MAGI1: variants seen among roughly 807,000 people sequenced by gnomAD.
The protein encoded by MAGI1 is membrane-associated guanylate kinase, WW and PDZ domain-containing protein 1.
In MAGI1, 58 loss-of-function variants were observed where a neutral mutation model predicts 139.9. That is an observed-to-expected ratio of 0.41 (90% CI 0.34 to 0.52). MAGI1 has a LOEUF of 0.52. MAGI1 is among the 20% of genes least tolerant of loss of function. The probability of loss-of-function intolerance (pLI) is 0.12; values close to 1 mark genes in which losing one functional copy is unlikely to be tolerated. For synonymous variants in MAGI1, 812 were observed against 737.9 expected (o/e 1.10, Z -1.63); for missense variants, 1,874 against 1,901.6 (o/e 0.99, Z 0.27).
intron 1 of MAGI1, among the ~76,000 whole-genome samples, chr3:65,794,289 A>G (rs1026467048): frequency 3.9e-5 from 6 of 152,236 alleles, no homozygotes; most frequent in African/African-American, 1.4e-4. Context: ...CAGACTCAAC[A>G]AAAGACTGAG....
At position 65,461,581 on chromosome 3, in the gene MAGI1, C is replaced by T. The variant is rs993588764; in HGVS notation, c.960-8241G>A. ...TTGGCTCACTGCAAGCTCCGCCTCCCGGGTTCACGCCATTCTCCTGCCTCA... is the reference window on the plus strand; with the variant it reads ...TTGGCTCACTGCAAGCTCCGCCTCCTGGGTTCACGCCATTCTCCTGCCTCA... On this transcript the variant is annotated intron_variant, in intron 5 of 22. Transcript: ENST00000402939. 6.3e-4 allele frequency among the ~76,000 whole-genome samples: 95 copies of T among 151,442 alleles called. 1 individual carries two copies. Among genetic ancestry groups the T allele is most frequent in the Admixed American group, 5.3e-4 (8 of 15,198 alleles).
chr3:65,965,883 C>A (rs1576291757), intron 1 of MAGI1, among the ~76,000 whole-genome samples: 1 of 152,068 alleles, frequency 6.6e-6, no homozygotes, highest in South Asian at 2.1e-4. Context: ...CGAACTCTGA[C>A]CTCAAGTGAT....
intron 1 of MAGI1, among the ~76,000 whole-genome samples, chr3:65,986,294 TTAG>T (rs1453010730): frequency 1.3e-5 from 2 of 152,202 alleles, no homozygotes; most frequent in African/African-American, 2.4e-5. Context: ...TTGTCTTATC[TTAG>T]TAGAAATATC....
chr3:65,760,604 C>T (rs72908240), intron 1 of MAGI1, among the ~76,000 whole-genome samples: 8 of 152,158 alleles, frequency 5.3e-5, no homozygotes, highest in African/African-American at 1.7e-4. Context: ...GACGGGGTCT[C>T]CCTATGTTGC....
At chr3:65,859,795 G>A (rs1046219999) in intron 1 of MAGI1, among the ~76,000 whole-genome samples, 2 of 151,778 alleles carry the variant, frequency 1.3e-5, no homozygotes, top group Non-Finnish European at 2.9e-5. Flanking sequence ...GAAAACAGGA[G>A]ATTCCAGTCT....
intron 12 of MAGI1, chr3:65,401,855 G>T (rs1259131445): frequency 3.0e-6 from 3 of 984,904 alleles, no homozygotes; most frequent in Non-Finnish European, 3.6e-6. Context: ...CGATCCACTT[G>T]TCAATTGAAA....
rs1268519875 is a variant in MAGI1, at chr3:65,379,287, C to A, written c.2969G>T (p.Ser990Ile). 8 of 1,612,922 alleles carry A rather than the reference C, an allele frequency of 5.0e-6. No individual in the cohort carries two copies. Among genetic ancestry groups the A allele is most frequent in the Non-Finnish European group, 5.9e-6 (7 of 1,179,520 alleles). The change falls in exon 17 of 23, where the codon AGC becomes ATC. Residue 990 changes from serine (S) to isoleucine (I), a missense_variant. Around this residue, in one of 5 missense-constraint regions of MAGI1, gnomAD observed 653 missense variants for 644.5 expected, o/e 1.01. Transcript: ENST00000402939. ...GFGFVIVSSV[S>I]RPEAGTTFGN... The stretch of plus-strand genomic sequence containing the variant: ...AAAGGTCGTGCCTGCTTCGGGCCTG[C>A]TCACCGAGGACACGATGACGAAGCC...
intron 1 of MAGI1, among the ~76,000 whole-genome samples, chr3:65,765,784 T>A (rs1402985799): frequency 2.0e-5 from 3 of 152,224 alleles, no homozygotes; most frequent in East Asian, 1.9e-4. Context: ...CAATGGACAG[T>A]CTTCAACATG....
Position 65,836,917 on chromosome 3 carries a change from C to T in MAGI1, c.313+201079G>A, listed in dbSNP as rs945791346. ...AACACCACACCTGCAATCATCTGCC[C>T]TGGCTCACTGTCTTTGAAACTGTTA... is the stretch of plus-strand genomic sequence containing the variant. On this transcript the variant is annotated intron_variant, in intron 1 of 22. Coordinates refer to ENST00000402939, the MANE Select transcript of MAGI1 (RefSeq NM_001033057.2). Among the ~76,000 whole-genome samples the T allele has an allele frequency of 2.0e-4, 30 of 152,222 alleles. No individual in the cohort carries two copies. In the Middle Eastern group the frequency reaches 0.014, roughly 69 times the overall value.
chr3:65,458,619 T>A lies in MAGI1; in HGVS notation c.960-5279A>T, dbSNP rs1383485358. 2.0e-5 allele frequency among the ~76,000 whole-genome samples: 3 copies of A among 152,182 alleles called. No homozygotes were observed. The East Asian group carries it at 5.8e-4, about 29-fold the overall frequency. ...CCATCTGGAGTCTTCTTTTGAGAAA[T>A]GTCCACTCAGATCTTTCCCCCATTT... On this transcript the variant is annotated intron_variant, in intron 5 of 22. Coordinates refer to ENST00000402939, the MANE Select transcript of MAGI1 (RefSeq NM_001033057.2).
intron 1 of MAGI1, among the ~76,000 whole-genome samples, chr3:65,830,057 G>C (rs1163041429): frequency 1.3e-5 from 2 of 152,154 alleles, no homozygotes; most frequent in Non-Finnish European, 2.9e-5. Flanking sequence ...TTATGCAGAT[G>C]AAGCCTGGTA....
chr3:65,374,785 G>A lies in MAGI1; in HGVS notation c.3196+960C>T, dbSNP rs376540316. 3.0e-4 allele frequency among the ~76,000 whole-genome samples: 45 copies of A among 152,178 alleles called. No homozygotes were observed. In the East Asian group the frequency reaches 5.4e-3, roughly 18 times the overall value. On this transcript the variant is annotated intron_variant, in intron 18 of 22. Transcript: ENST00000402939. ...TGCAGACAATGCCAATGTTCCCTGGGGGGCAGAATCACCACTTACATAAAA... is the reference window on the plus strand; with the variant it reads ...TGCAGACAATGCCAATGTTCCCTGGAGGGCAGAATCACCACTTACATAAAA...
intron 8 of MAGI1, among the ~76,000 whole-genome samples, 178 bp from the exon 9 acceptor site, chr3:65,440,190 T>C (rs1197993401): frequency 6.6e-6 from 1 of 152,214 alleles, no homozygotes; most frequent in Non-Finnish European, 1.5e-5. Flanking sequence ...CATTACTGAC[T>C]GCTTATATGC....
intron 1 of MAGI1, among the ~76,000 whole-genome samples, chr3:65,658,837 T>C (rs945972444): frequency 6.6e-5 from 10 of 152,216 alleles, no homozygotes; most frequent in Non-Finnish European, 1.5e-4. Flanking sequence ...CAATATTGTG[T>C]CCAGTCTAAA....
intron 1 of MAGI1, among the ~76,000 whole-genome samples, chr3:65,978,621 C>CTTTTTTTTTTTTTTTTTTTT (rs373662388): frequency 7.7e-6 from 1 of 129,172 alleles, no homozygotes. Flanking sequence ...CTCAAAATTT[C>CTTTTTTTTTTTTTTTTTTTT]TTTTTTTTTT....
At chr3:65,468,200 ACT>A (rs1950292954) in intron 5 of MAGI1, among the ~76,000 whole-genome samples, 1 of 152,062 alleles carries the variant, frequency 6.6e-6, no homozygotes, top group Non-Finnish European at 1.5e-5. Context: ...ACACTTCTTG[ACT>A]CTCAAGAAAA....
chr3:65,470,524 A>G (rs1559584207), intron 4 of MAGI1, 40 bp from the exon 5 acceptor site: 3 of 898,062 alleles, frequency 3.3e-6, no homozygotes, highest in Non-Finnish European at 4.6e-6. Flanking sequence ...AGAGAGAGAG[A>G]AAAAAAAAAA....
chr3:65,563,833 T>C (rs1190931313), intron 2 of MAGI1, among the ~76,000 whole-genome samples: 1 of 152,210 alleles, frequency 6.6e-6, no homozygotes, highest in African/African-American at 2.4e-5. Context: ...TGGCAATTGA[T>C]AGTTACTGAC....
At chr3:65,889,624 T>G (rs574832573) in intron 1 of MAGI1, among the ~76,000 whole-genome samples, 2 of 152,240 alleles carry the variant, frequency 1.3e-5, no homozygotes, top group African/African-American at 2.4e-5. Flanking sequence ...CCAAAGTCAG[T>G]GCAACACAGG....
Sources: allele counts gnomAD v4.1 joint callset (sites outside exome capture counted in the v4.1 genomes callset), GRCh38; gene constraint gnomAD v4.1.1; regional missense constraint gnomAD v4.1.1; transcripts MANE v1.5; gene names NCBI Gene and HGNC (gene_info 2026-07-23, HGNC 2026-07-21).